The following BPIFB1 variants were observed in gnomAD, a reference collection of about 807,000 sequenced individuals.
BPIFB1 encodes the protein BPI fold-containing family B member 1.
In BPIFB1, 34 loss-of-function variants were observed where a neutral mutation model predicts 55.1. That is an observed-to-expected ratio of 0.62 (90% CI 0.47 to 0.82). The LOEUF (loss-of-function observed/expected upper bound fraction) is 0.82. BPIFB1 is among the 40% of genes least tolerant of loss of function. The probability of loss-of-function intolerance (pLI) is 0.00; values close to 1 mark genes in which losing one functional copy is unlikely to be tolerated. For missense variants in BPIFB1, 532 were observed against 593.1 expected (o/e 0.90, Z 1.07); for synonymous variants, 236 against 245.3 (o/e 0.96, Z 0.35).
Position 33,289,400 on chromosome 20 carries a change from A to AC in BPIFB1, c.258-485_258-484insC, listed in dbSNP as rs1257299987. Among the ~76,000 whole-genome samples, 522 of 151,406 alleles carry AC rather than the reference A, an allele frequency of 3.4e-3. 1 individual carries two copies. Among genetic ancestry groups the AC allele is most frequent in the Non-Finnish European group, 4.3e-3 (290 of 67,788 alleles). The stretch of plus-strand genomic sequence containing the variant: ...CTGTCTCAAAAAAAAAAAAACAAAA[A>AC]AAAAAAAACAACCCAGAGCAAGGTT... On this transcript the variant is annotated intron_variant, in intron 3 of 15. Coordinates refer to ENST00000253354, the MANE Select transcript of BPIFB1 (RefSeq NM_033197.3).
intron 4 of BPIFB1, 60 bp downstream of exon 4, chr20:33,290,052 C>G (rs1369694865): frequency 7.7e-7 from 1 of 1,306,112 alleles, no homozygotes; most frequent in Non-Finnish European, 1.1e-6. Flanking sequence ...CGTTCCCCCT[C>G]CCCCGCCCCC....
At chr20:33,290,823 T>G (rs529895466) in intron 4 of BPIFB1, 134 bp from the exon 5 acceptor site, 8 of 929,340 alleles carry the variant, frequency 8.6e-6, no homozygotes, top group African/African-American at 8.3e-5. Context: ...GGGGTGAAGT[T>G]GGGTGAAGAT....
chr20:33,299,643 G>T lies in BPIFB1; in HGVS notation c.662-256G>T, dbSNP rs941051487. Among the ~76,000 whole-genome samples the T allele has an allele frequency of 3.9e-5, 6 of 152,248 alleles. No individual in the cohort carries two copies. In the East Asian group the frequency reaches 9.6e-4, roughly 24 times the overall value. On this transcript the variant is annotated intron_variant, in intron 7 of 15. Transcript: ENST00000253354. ...CTTGGTTTCACCATCTGTAAAAGGG[G>T]GTAATAATAAGACCTACTTCCTAAC...
At chr20:33,287,348 T>C (rs546328809) in intron 2 of BPIFB1, among the ~76,000 whole-genome samples, 2 of 152,346 alleles carry the variant, frequency 1.3e-5, no homozygotes, top group East Asian at 3.9e-4. Flanking sequence ...CTGTGGCGAC[T>C]GAAGCTCAGT....
chr20:33,299,983 G>A lies in BPIFB1; in HGVS notation c.746G>A (p.Gly249Glu), dbSNP rs755097920. 13 of 1,613,866 alleles carry A rather than the reference G, an allele frequency of 8.1e-6. No individual in the cohort carries two copies. In the South Asian group the frequency reaches 1.1e-4, roughly 14 times the overall value. The part of the protein sequence containing the change: ...IKGDTIQLYL[G>E]AKLLDSQGKV... ...GGTGACACCATTCAGCTCTACCTGGGGGTGAGTGTCCCAGGACCTTGAGGG... is the reference window on the plus strand; with the variant it reads ...GGTGACACCATTCAGCTCTACCTGGAGGTGAGTGTCCCAGGACCTTGAGGG... The change falls in exon 8 of 16, where the codon GGG (glycine) becomes GAG (glutamate). Residue 249 changes from glycine (G) to glutamate (E), a missense_variant and splice_region_variant. Coordinates refer to ENST00000253354, the MANE Select transcript of BPIFB1 (RefSeq NM_033197.3).
At chr20:33,301,481 G>T in intron 9 of BPIFB1, 69 bp downstream of exon 9, 1 of 1,475,528 alleles carries the variant, frequency 6.8e-7, no homozygotes, top group South Asian at 1.2e-5. Context: ...TGAACACAGG[G>T]TGCCCCTAAG....
At chr20:33,287,649 G>A (rs1353777667) in intron 2 of BPIFB1, among the ~76,000 whole-genome samples, 1 of 152,208 alleles carries the variant, frequency 6.6e-6, no homozygotes, top group East Asian at 1.9e-4. Flanking sequence ...GCCAGAGCTG[G>A]TCCACAGTTG....
chr20:33,299,104 A>G, intron 7 of BPIFB1: 2 of 455,846 alleles, frequency 4.4e-6, no homozygotes, highest in Non-Finnish European at 8.8e-6. Context: ...CTATACCCTC[A>G]TTTTAAGACG....
At chr20:33,290,555 G>C (rs768527130) in intron 4 of BPIFB1, among the ~76,000 whole-genome samples, 4 of 152,058 alleles carry the variant, frequency 2.6e-5, no homozygotes, top group Non-Finnish European at 2.9e-5. Flanking sequence ...TGTGTATTCA[G>C]GGGGAAAGAG....
chr20:33,301,152 T>C, intron 8 of BPIFB1, 81 bp from the exon 9 acceptor site: 4 of 1,379,044 alleles, frequency 2.9e-6, no homozygotes, highest in Non-Finnish European at 3.0e-6. Context: ...ACAGGCTGAA[T>C]GGTGTCATTT....
intron 12 of BPIFB1, 91 bp from the exon 13 acceptor site, chr20:33,304,755 A>C: frequency 6.6e-7 from 1 of 1,507,606 alleles, no homozygotes; most frequent in Non-Finnish European, 9.2e-7. Flanking sequence ...TGCCTGGCAC[A>C]TAATAGGTGC....
intron 12 of BPIFB1, 94 bp downstream of exon 12, chr20:33,304,119 A>T: frequency 8.6e-7 from 1 of 1,158,886 alleles, no homozygotes; most frequent in South Asian, 1.3e-5. Flanking sequence ...TGTGGCTGTC[A>T]GGTGAAGGCG....
chr20:33,289,030 C>T, intron 3 of BPIFB1, 148 bp downstream of exon 3: 1 of 960,582 alleles, frequency 1.0e-6, no homozygotes, highest in Non-Finnish European at 1.5e-6. Flanking sequence ...CGTCAAGAAG[C>T]TCCCAGAATA....
At chr20:33,303,913 C>T (rs761569782) in intron 11 of BPIFB1, 45 bp from the exon 12 acceptor site, 47 of 1,600,606 alleles carry the variant, frequency 2.9e-5, no homozygotes, top group African/African-American at 1.5e-4. Flanking sequence ...ATTCCACACT[C>T]GGATCCTCTT....
chr20:33,303,384 T>C (rs1420005260), intron 11 of BPIFB1, among the ~76,000 whole-genome samples: 1 of 152,160 alleles, frequency 6.6e-6, no homozygotes, highest in Non-Finnish European at 1.5e-5. Context: ...TCAAACAATA[T>C]CCTCTTCATT....
rs752408046 is a variant in BPIFB1 at position 33,302,444 on chromosome 20, G to A, written c.981+32G>A. The A allele has an allele frequency of 6.8e-6, 11 of 1,612,650 alleles. No individual in the cohort carries two copies. The East Asian group carries it at 1.6e-4, about 23-fold the overall frequency. On this transcript the variant is annotated intron_variant, in intron 10 of 15. Coordinates refer to ENST00000253354, the MANE Select transcript of BPIFB1 (RefSeq NM_033197.3). ...CTGTTTGCCATCTGCAGCTTGAGGG[G>A]TGTTTGCTGTGGTCTGGACACAGGC...
intron 6 of BPIFB1, among the ~76,000 whole-genome samples, chr20:33,293,187 T>G (rs1474846092): frequency 1.3e-5 from 2 of 152,240 alleles, no homozygotes; most frequent in Non-Finnish European, 2.9e-5. Context: ...CCTCCCAAAG[T>G]GCTGGGATTA....
chr20:33,298,727 G>GT (rs1179244421), intron 7 of BPIFB1: 1 of 155,190 alleles, frequency 6.4e-6, no homozygotes, highest in Non-Finnish European at 1.4e-5. Flanking sequence ...GGATTGAGCC[G>GT]TTACTAGGTG....
intron 13 of BPIFB1, among the ~76,000 whole-genome samples, chr20:33,305,224 A>C (rs1980983028): frequency 6.6e-6 from 1 of 151,812 alleles, no homozygotes; most frequent in African/African-American, 2.4e-5. Context: ...GCCCCTAGAC[A>C]GCCCTTTCCT....
Sources: gnomAD v4.1 joint callset for allele counts (sites outside exome capture counted in the v4.1 genomes callset) on GRCh38, gnomAD v4.1.1 for gene constraint, MANE v1.5 for transcripts, NCBI Gene and HGNC (gene_info 2026-07-23, HGNC 2026-07-21) for gene names.